The following GRID1 variants were observed in gnomAD, a reference collection of about 807,000 sequenced individuals.
GRID1 encodes glutamate ionotropic receptor delta type subunit 1.
A neutral mutation model predicts 98.0 loss-of-function variants in GRID1; 28 were observed. That is an observed-to-expected ratio of 0.29 (90% CI 0.21 to 0.39). GRID1 has a LOEUF of 0.39. Ranked by LOEUF, GRID1 falls within the 10% of genes least tolerant of loss-of-function variation. GRID1 has a pLI of 1.00. For missense variants in GRID1, 1,111 were observed against 1,340.5 expected (o/e 0.83, Z 2.67); for synonymous variants, 553 against 538.5 (o/e 1.03, Z -0.37).
intron 2 of GRID1, among the ~76,000 whole-genome samples, chr10:86,223,137 C>T (rs1403123881): frequency 1.3e-5 from 2 of 152,146 alleles, no homozygotes; most frequent in Non-Finnish European, 2.9e-5. Context: ...ACATACTGCT[C>T]ATTGCTCTCT....
intron 12 of GRID1, among the ~76,000 whole-genome samples, chr10:85,719,717 C>A (rs772044261): frequency 4.6e-5 from 7 of 151,980 alleles, no homozygotes; most frequent in Non-Finnish European, 7.4e-5. Flanking sequence ...CGGGTGGGGG[C>A]ACAGCCAAAC....
chr10:85,740,714 T>C (rs1404427463), intron 8 of GRID1, among the ~76,000 whole-genome samples: 1 of 151,852 alleles, frequency 6.6e-6, no homozygotes, highest in Non-Finnish European at 1.5e-5. Flanking sequence ...CCTTTCATAA[T>C]ATATTAAAAT....
chr10:86,331,782 A>G (rs115867240), intron 2 of GRID1, among the ~76,000 whole-genome samples: 3,085 of 152,324 alleles, frequency 0.02, 99 homozygotes, highest in African/African-American at 0.07. Flanking sequence ...TGAGAAACAT[A>G]CACCTACTGC....
At chr10:86,253,656 C>T (rs1846871466) in intron 2 of GRID1, among the ~76,000 whole-genome samples, 1 of 152,156 alleles carries the variant, frequency 6.6e-6, no homozygotes, top group Non-Finnish European at 1.5e-5. Flanking sequence ...AAGGCCAGGC[C>T]CCGAGGGCAT....
intron 2 of GRID1, among the ~76,000 whole-genome samples, chr10:86,215,255 G>A (rs1846158673): frequency 6.6e-6 from 1 of 152,226 alleles, no homozygotes; most frequent in South Asian, 2.1e-4. Flanking sequence ...GAATGGTCCT[G>A]AGGAATGACG....
chr10:85,665,708 G>A (rs1248965386), intron 12 of GRID1, among the ~76,000 whole-genome samples: 1 of 152,136 alleles, frequency 6.6e-6, no homozygotes, highest in African/African-American at 2.4e-5. Context: ...AGCTTAAGAA[G>A]GAAAATGGTG....
intron 4 of GRID1, among the ~76,000 whole-genome samples, chr10:86,093,452 A>G (rs1298845183): frequency 6.6e-6 from 1 of 152,106 alleles, no homozygotes; most frequent in African/African-American, 2.4e-5. Context: ...AAATTAATAG[A>G]CCATTAGCAA....
intron 3 of GRID1, among the ~76,000 whole-genome samples, chr10:86,153,131 C>A (rs1845193565): frequency 6.6e-6 from 1 of 152,168 alleles, no homozygotes; most frequent in African/African-American, 2.4e-5. Flanking sequence ...GCTTCCCGTG[C>A]CTGAGCCCAG....
rs777504269 is a variant in GRID1 at position 85,602,364 on chromosome 10, G to T, written c.2939C>A (p.Pro980Gln). Residue 980 changes from proline (P) to glutamine (Q), a missense_variant, in exon 16 of 16, where the codon CCG (proline) becomes CAG (glutamine). This residue lies in a region of GRID1 where 762 missense variants were observed against 869.1 expected (regional missense o/e 0.88). Coordinates refer to ENST00000327946, the MANE Select transcript of GRID1 (RefSeq NM_017551.3). The part of the protein sequence containing the change: ...SPNGGLFRQS[P>Q]VKTPIPMSFQ... Reference sequence around the variant, plus strand: ...GGACATGGGGATGGGGGTCTTCACCGGGCTCTGCCGGAACAGCCCCCCGTT... The same window carrying T: ...GGACATGGGGATGGGGGTCTTCACCTGGCTCTGCCGGAACAGCCCCCCGTT... The T allele has an allele frequency of 1.2e-6, 2 of 1,601,270 alleles. No individual in the cohort carries two copies. The highest frequency in any genetic ancestry group is 1.1e-5 in the South Asian group (1 of 89,712).
intron 2 of GRID1, among the ~76,000 whole-genome samples, chr10:86,244,673 G>A (rs1278287869): frequency 1.3e-5 from 2 of 152,206 alleles, no homozygotes; most frequent in Non-Finnish European, 2.9e-5. Flanking sequence ...TTACCCTCTC[G>A]TGGATGGACA....
At chr10:86,132,729 G>A (rs1475298777) in intron 4 of GRID1, among the ~76,000 whole-genome samples, 2 of 152,202 alleles carry the variant, frequency 1.3e-5, no homozygotes, top group African/African-American at 2.4e-5. Flanking sequence ...GTATTAAAAA[G>A]CACAGTCTTT....
chr10:86,187,860 T>A (rs775581532), intron 3 of GRID1, among the ~76,000 whole-genome samples: 13 of 152,332 alleles, frequency 8.5e-5, no homozygotes, highest in Non-Finnish European at 1.9e-4. Context: ...AGTTGCTACA[T>A]AAGACACACA....
chr10:85,816,852 C>T (rs1027532637), intron 8 of GRID1, among the ~76,000 whole-genome samples: 5 of 152,158 alleles, frequency 3.3e-5, no homozygotes, highest in Non-Finnish European at 7.4e-5. Context: ...TCCTCTCCCT[C>T]CTTCCACTCT....
At chr10:85,868,987 G>T in intron 6 of GRID1, 23 bp downstream of exon 6, 1 of 1,607,738 alleles carries the variant, frequency 6.2e-7, no homozygotes, top group South Asian at 1.1e-5. Flanking sequence ...GAGGGGACTG[G>T]AGAGAAGAGG....
chr10:85,707,899 T>C (rs1160241618), intron 12 of GRID1, among the ~76,000 whole-genome samples: 2 of 150,756 alleles, frequency 1.3e-5, no homozygotes, highest in African/African-American at 4.9e-5. Context: ...CACTCATAGG[T>C]GGGAATTGAA....
At position 85,740,554 on chromosome 10, in the gene GRID1, G is replaced by A. The variant is rs140544133; in HGVS notation, c.1234-10940C>T. On this transcript the variant is annotated intron_variant, in intron 8 of 15. Transcript: ENST00000327946. Reference sequence around the variant, plus strand: ...GACTGGCTCCTCTCTCTGGAACATCGTTCCCTTCCTTTGTCCTCTGCCTCC... The same window carrying A: ...GACTGGCTCCTCTCTCTGGAACATCATTCCCTTCCTTTGTCCTCTGCCTCC... Among the ~76,000 whole-genome samples, 11 of 152,066 alleles carry A rather than the reference G, an allele frequency of 7.2e-5. No individual in the cohort carries two copies. In the South Asian group the frequency reaches 1.7e-3, roughly 23 times the overall value.
chr10:86,084,041 T>C (rs1844014727), intron 4 of GRID1, among the ~76,000 whole-genome samples: 1 of 152,214 alleles, frequency 6.6e-6, no homozygotes, highest in East Asian at 1.9e-4. Context: ...TCCACAAAGA[T>C]GTCCTGTGTG....
At chr10:85,853,052 G>A (rs115731856) in intron 8 of GRID1, among the ~76,000 whole-genome samples, 1,827 of 151,602 alleles carry the variant, frequency 0.012, 35 homozygotes, top group African/African-American at 0.041. Context: ...AAAATCCCCC[G>A]CACCATCCCC....
chr10:85,618,865 G>C (rs1432306652), intron 14 of GRID1, among the ~76,000 whole-genome samples: 1 of 152,186 alleles, frequency 6.6e-6, no homozygotes, highest in African/African-American at 2.4e-5. Flanking sequence ...AGATATCCTA[G>C]TTGCCCTCTG....
Sources: gnomAD v4.1 joint callset for allele counts (sites outside exome capture counted in the v4.1 genomes callset) on GRCh38, gnomAD v4.1.1 for gene constraint, gnomAD v4.1.1 regional missense constraint, MANE v1.5 for transcripts, NCBI Gene and HGNC (gene_info 2026-07-23, HGNC 2026-07-21) for gene names.